MYO5B: variants seen among roughly 807,000 people sequenced by gnomAD.
The protein encoded by MYO5B is unconventional myosin-Vb.
Under a neutral mutation model 229.3 loss-of-function variants are expected in MYO5B, and 143 were observed. That is an observed-to-expected ratio of 0.62 (90% CI 0.54 to 0.72). MYO5B has a LOEUF of 0.72. MYO5B is among the 30% of genes least tolerant of loss of function. The pLI is 0.00. For missense variants in MYO5B, 2,321 were observed against 2,331.0 expected, an observed-to-expected ratio of 1.00 and a Z score of 0.09; for synonymous variants, 918 against 885.2, an observed-to-expected ratio of 1.04 and a Z score of -0.66.
Position 50,001,335 on chromosome 18 carries a change from G to C in MYO5B, c.532C>G (p.Arg178Gly). Residue 178 changes from arginine to glycine, a missense_variant, in exon 5 of 40, where the codon CGC (arginine) becomes GGC (glycine). By Grantham distance (125) the Arg-to-Gly change is moderately radical (BLOSUM62 -2). Transcript: ENST00000285039. ...GAGCCACCAACGGTGGCGAAATAGC[G>C]CATGGCATACTTGGCTGATACCGTC... ...GKTVSAKYAM[R>G]YFATVGGSAS... The C allele has an allele frequency of 6.2e-7, 1 of 1,614,138 alleles. No individual in the cohort carries two copies. The highest frequency in any genetic ancestry group is 8.5e-7 in the Non-Finnish European group (1 of 1,180,018).
intron 22 of MYO5B, among the ~76,000 whole-genome samples, chr18:49,888,075 C>T (rs1278996068): frequency 6.6e-6 from 1 of 152,100 alleles, no homozygotes; most frequent in Non-Finnish European, 1.5e-5. Context: ...GGGACAGGTG[C>T]ATACATAGTA....
intron 2 of MYO5B, among the ~76,000 whole-genome samples, chr18:50,045,883 AAT>A (rs1297767949): frequency 6.6e-6 from 1 of 152,200 alleles, no homozygotes; most frequent in African/African-American, 2.4e-5. Flanking sequence ...GTGCTCAAAA[AAT>A]ATTAGTTGAG....
At chr18:50,014,153 G>A (rs1309560006) in intron 4 of MYO5B, among the ~76,000 whole-genome samples, 2 of 151,982 alleles carry the variant, frequency 1.3e-5, no homozygotes, top group East Asian at 1.9e-4. Context: ...AGAGAAACCC[G>A]GGGTCCAAAG....
chr18:50,102,327 G>A (rs959159377), intron 1 of MYO5B, among the ~76,000 whole-genome samples: 9 of 151,666 alleles, frequency 5.9e-5, no homozygotes, highest in African/African-American at 2.2e-4. Flanking sequence ...AAACCTGTAC[G>A]TTCTGCATAC....
chr18:49,901,270 AAGG>A (rs1010268474), intron 21 of MYO5B, among the ~76,000 whole-genome samples: 1 of 152,330 alleles, frequency 6.6e-6, no homozygotes, highest in Admixed American at 6.5e-5. Context: ...TTCTGAAGGG[AAGG>A]AGGACTGGCC....
In MYO5B at chr18:49,916,413, T is replaced by G. The variant is rs551291632; in HGVS notation, c.2091-4240A>C. 2.2e-4 allele frequency among the ~76,000 whole-genome samples: 34 copies of G among 152,248 alleles called. 2 individuals are homozygous for G. In the South Asian group the frequency reaches 6.9e-3, roughly 31 times the overall value. On this transcript the variant is annotated intron_variant, in intron 17 of 39. Coordinates refer to ENST00000285039, the MANE Select transcript of MYO5B (RefSeq NM_001080467.3). ...CTGGATGCCGCCCCTCCGCTACCTG[T>G]ACAGTGGAGAGAACATCACCCACCT...
intron 9 of MYO5B, among the ~76,000 whole-genome samples, chr18:49,977,738 TC>T (rs1345824393): frequency 6.6e-6 from 1 of 152,054 alleles, no homozygotes; most frequent in Non-Finnish European, 1.5e-5. Context: ...TATTTTTTCC[TC>T]CCCTGTACAG....
intron 10 of MYO5B, among the ~76,000 whole-genome samples, chr18:49,969,433 A>G (rs577592943): frequency 6.6e-6 from 1 of 152,354 alleles, no homozygotes; most frequent in South Asian, 2.1e-4. Flanking sequence ...GTGAGGAAAT[A>G]TTTGCAAATC....
chr18:49,995,770 CTGAT>C (rs1260499675), intron 5 of MYO5B, among the ~76,000 whole-genome samples: 1 of 152,166 alleles, frequency 6.6e-6, no homozygotes, highest in Non-Finnish European at 1.5e-5. Flanking sequence ...TTTGTAACTG[CTGAT>C]TAATTAATAT....
At chr18:50,194,167 T>G (rs2144368935) in intron 1 of MYO5B, among the ~76,000 whole-genome samples, 1 of 152,248 alleles carries the variant, frequency 6.6e-6, no homozygotes, top group East Asian at 1.9e-4. Context: ...CTCTACCCAT[T>G]GCTTACCCTC....
At chr18:50,026,277 T>C (rs551440670) in intron 4 of MYO5B, among the ~76,000 whole-genome samples, 4 of 131,000 alleles carry the variant, frequency 3.1e-5, no homozygotes, top group South Asian at 5.7e-4. Context: ...CAATGGAATA[T>C]ATTATTTTCT....
chr18:49,929,670 A>G (rs1481529978), intron 16 of MYO5B, 72 bp from the exon 17 acceptor site: 1 of 1,323,538 alleles, frequency 7.6e-7, no homozygotes, highest in African/African-American at 1.4e-5. Context: ...AAAGAAACAA[A>G]AAAGAATCTT....
intron 22 of MYO5B, among the ~76,000 whole-genome samples, chr18:49,886,640 A>AAAG (rs10622257): frequency 0.81 from 122,225 of 151,810 alleles, 49,383 homozygotes; most frequent in East Asian, 0.95. Context: ...TTATTTTGCC[A>AAAG]AATAACATTT....
At chr18:49,979,097 A>C (rs2025785908) in intron 9 of MYO5B, among the ~76,000 whole-genome samples, 1 of 152,136 alleles carries the variant, frequency 6.6e-6, no homozygotes, top group Non-Finnish European at 1.5e-5. Context: ...TTTGTCCTGC[A>C]CTGGAGGTTC....
chr18:50,127,685 G>T (rs1440276390), intron 1 of MYO5B, among the ~76,000 whole-genome samples: 1 of 152,174 alleles, frequency 6.6e-6, no homozygotes, highest in Non-Finnish European at 1.5e-5. Context: ...TGCTTACTGG[G>T]ATGATCAATT....
At chr18:50,043,339 T>TTAAA (rs2030090272) in intron 2 of MYO5B, among the ~76,000 whole-genome samples, 2 of 90,444 alleles carry the variant, frequency 2.2e-5, no homozygotes, top group Non-Finnish European at 4.2e-5. Flanking sequence ...TTTTATATAT[T>TTAAA]TATATTATAT....
chr18:50,079,447 C>G (rs927089597), intron 1 of MYO5B, among the ~76,000 whole-genome samples: 6 of 151,974 alleles, frequency 3.9e-5, no homozygotes, highest in Non-Finnish European at 5.9e-5. Context: ...CTTGGACCAA[C>G]CACTGCCTCC....
At chr18:50,092,435 C>CCTG (rs566634345) in intron 1 of MYO5B, among the ~76,000 whole-genome samples, 1,549 of 152,204 alleles carry the variant, frequency 0.01, 21 homozygotes, top group African/African-American at 0.035. Flanking sequence ...TTATAGCCAT[C>CCTG]CTGCTGCTGC....
chr18:49,916,954 G>A (rs1445809119), intron 17 of MYO5B, among the ~76,000 whole-genome samples: 1 of 152,156 alleles, frequency 6.6e-6, no homozygotes, highest in Non-Finnish European at 1.5e-5. Flanking sequence ...CTTTTTAAAG[G>A]GGCTTTCTGA....
Sources: gnomAD v4.1 joint callset for allele counts (sites outside exome capture counted in the v4.1 genomes callset) on GRCh38, gnomAD v4.1.1 for gene constraint, MANE v1.5 for transcripts, NCBI Gene and HGNC (gene_info 2026-07-23, HGNC 2026-07-21) for gene names.